NOX4: variants seen among roughly 807,000 people sequenced by gnomAD.
NOX4 encodes the protein kidney oxidase-1.
Under a neutral mutation model 87.6 loss-of-function variants are expected in NOX4, and 69 were observed. The observed-to-expected ratio is 0.79, with a 90% CI of 0.65 to 0.96. The LOEUF (loss-of-function observed/expected upper bound fraction) is 0.96. Among genes scored for constraint, NOX4 ranks in the 40% least tolerant of loss-of-function variants. NOX4 has a pLI of 0.00. For synonymous variants in NOX4, 275 were observed against 238.2 expected (o/e 1.15, Z -1.42); for missense variants, 680 against 681.5 (o/e 1.00, Z 0.02).
chr11:89,501,379 G>A (rs1228058257), upstream of NOX4, among the ~76,000 whole-genome samples: 1 of 152,010 alleles, frequency 6.6e-6, no homozygotes. Context: ...GTAAAGAGCG[G>A]TAGTTTTGGG....
At chr11:89,426,206 T>C (rs1437365467) in intron 7 of NOX4, among the ~76,000 whole-genome samples, 7 of 152,092 alleles carry the variant, frequency 4.6e-5, no homozygotes, top group African/African-American at 1.7e-4. Context: ...CAAGACAAAC[T>C]CATATCAGGA....
intron 12 of NOX4, among the ~76,000 whole-genome samples, chr11:89,355,566 T>G (rs1425552197): frequency 6.6e-6 from 1 of 152,010 alleles, no homozygotes; most frequent in Non-Finnish European, 1.5e-5. Context: ...GTCTCTTTAG[T>G]AACCCATGCA....
the NOX4 span, among the ~76,000 whole-genome samples, chr11:89,529,481 T>C: frequency 6.6e-6 from 1 of 152,298 alleles, no homozygotes; most frequent in Non-Finnish European, 1.5e-5. Context: ...TACTGGAAGA[T>C]ATTTAAGTAG....
At chr11:89,328,676 C>A (rs1322892296) in intron 17 of NOX4, among the ~76,000 whole-genome samples, 1 of 152,072 alleles carries the variant, frequency 6.6e-6, no homozygotes, top group Non-Finnish European at 1.5e-5. Context: ...CTGAAGTCTG[C>A]CCATCCAAAG....
chr11:89,567,784 A>C, the NOX4 span, among the ~76,000 whole-genome samples: 1 of 152,200 alleles, frequency 6.6e-6, no homozygotes, highest in South Asian at 2.1e-4. Flanking sequence ...CATATCACCC[A>C]GTACCACAGA....
At chr11:89,486,618 A>T (rs1202496407) in intron 2 of NOX4, among the ~76,000 whole-genome samples, 2 of 129,810 alleles carry the variant, frequency 1.5e-5, no homozygotes, top group African/African-American at 5.9e-5. Flanking sequence ...ATGTGTGTAT[A>T]TATGTGTATA....
At chr11:89,500,191 T>C (rs973161245), upstream of NOX4, among the ~76,000 whole-genome samples, 4 of 152,302 alleles carry the variant, frequency 2.6e-5, no homozygotes, top group African/African-American at 7.2e-5. Context: ...TTTTCTACTA[T>C]TGAAATTTTT....
the NOX4 span, among the ~76,000 whole-genome samples, chr11:89,578,071 A>G: frequency 1.3e-5 from 2 of 151,902 alleles, no homozygotes; most frequent in Admixed American, 6.6e-5. Flanking sequence ...GGCTCATGTC[A>G]ATTTTTTTGA....
At chr11:89,389,616 T>C (rs1177451289) in intron 11 of NOX4, among the ~76,000 whole-genome samples, 3 of 152,118 alleles carry the variant, frequency 2.0e-5, no homozygotes, top group African/African-American at 7.2e-5. Flanking sequence ...AGAAAACACA[T>C]ATTTGTGCTT....
chr11:89,584,322 G>A, the NOX4 span, among the ~76,000 whole-genome samples: 2 of 152,092 alleles, frequency 1.3e-5, no homozygotes, highest in Admixed American at 6.6e-5. Context: ...ATTTAAATTT[G>A]CTGCCCCGAT....
At chr11:89,486,210 C>G (rs1946582467) in intron 2 of NOX4, among the ~76,000 whole-genome samples, 1 of 138,154 alleles carries the variant, frequency 7.2e-6, no homozygotes, top group South Asian at 2.2e-4. Flanking sequence ...TCAGAAAACT[C>G]AGAAGATGAG....
At chr11:89,409,161 G>T (rs1457126742) in intron 8 of NOX4, among the ~76,000 whole-genome samples, 1 of 152,050 alleles carries the variant, frequency 6.6e-6, no homozygotes, top group East Asian at 1.9e-4. Context: ...TCACTAAAAT[G>T]ACAGTGGAGG....
chr11:89,571,064 A>G, the NOX4 span, among the ~76,000 whole-genome samples: 230 of 152,150 alleles, frequency 1.5e-3, 7 homozygotes, highest in Admixed American at 1.6e-3. Context: ...TTGTAACTGT[A>G]CATTGTTTAT....
At chr11:89,422,835 T>C (rs1943158421) in intron 7 of NOX4, among the ~76,000 whole-genome samples, 1 of 148,900 alleles carries the variant, frequency 6.7e-6, no homozygotes, top group Non-Finnish European at 1.5e-5. Flanking sequence ...AGTCTTGCTC[T>C]GTCGCCTAGG....
chr11:89,502,685 T>A (rs1947035058), upstream of NOX4, among the ~76,000 whole-genome samples: 1 of 152,032 alleles, frequency 6.6e-6, no homozygotes, highest in African/African-American at 2.4e-5. Flanking sequence ...TACAACAATA[T>A]GAATTGATGA....
chr11:89,500,088 G>A (rs2135510900), upstream of NOX4, among the ~76,000 whole-genome samples: 1 of 152,186 alleles, frequency 6.6e-6, no homozygotes, highest in Admixed American at 6.5e-5. Flanking sequence ...GTGTTGCCTA[G>A]CATATCAGGA....
upstream of NOX4, chr11:89,498,806 G>A (rs1946987227): frequency 6.6e-6 from 1 of 152,266 alleles, no homozygotes; most frequent in Admixed American, 6.5e-5. Flanking sequence ...ACACAGGATT[G>A]TGCCTTCAAA....
chr11:89,373,303 A>AG (rs2135059661), intron 12 of NOX4, 129 bp downstream of exon 12: 1 of 510,344 alleles, frequency 2.0e-6, no homozygotes, highest in East Asian at 3.3e-5. Context: ...AAAAAACAAA[A>AG]AAAAACCCAG....
chr11:89,393,527 A>G (rs1274271367), intron 11 of NOX4, among the ~76,000 whole-genome samples: 1 of 152,154 alleles, frequency 6.6e-6, no homozygotes, highest in Non-Finnish European at 1.5e-5. Flanking sequence ...TCAAGTTGAA[A>G]AGCCACATGC....
Sources: allele counts gnomAD v4.1 joint callset (sites outside exome capture counted in the v4.1 genomes callset), GRCh38; gene constraint gnomAD v4.1.1; transcripts MANE v1.5; gene names NCBI Gene and HGNC (gene_info 2026-07-23, HGNC 2026-07-21).